Variants in USP19 observed in about 807,000 individuals in gnomAD.
USP19 encodes ubiquitin carboxyl-terminal hydrolase 19.
USP19 carries 40 observed loss-of-function variants against 144.8 expected under a neutral mutation model. The ratio of observed to expected loss-of-function variants is 0.28; its 90% CI spans 0.21 to 0.36. The LOEUF (loss-of-function observed/expected upper bound fraction) is 0.36. USP19 is among the 10% of genes least tolerant of loss of function. USP19 has a pLI of 1.00. For missense variants in USP19, 1,518 were observed against 1,822.5 expected (o/e 0.83, Z 3.04); for synonymous variants, 701 against 709.3 (o/e 0.99, Z 0.19).
In USP19 at chr3:49,114,690, T is replaced by C. The variant is rs1357960560; in HGVS notation, c.2292+73A>G. 2.0e-6 allele frequency: 3 copies of C among 1,513,242 alleles called. No homozygotes were observed. The African/African-American group carries it at 4.1e-5, about 21-fold the overall frequency. The allele number at this position is 1,513,242 out of a possible 1,614,324, so 93.7% of individuals were successfully genotyped here. On this transcript the variant is annotated intron_variant, in intron 15 of 26. Coordinates refer to ENST00000417901, the MANE Select transcript of USP19 (RefSeq NM_001199161.2). This position sits in a 1 kb window ranked among gnomAD's most constrained non-coding sequence, Gnocchi z 4.5. ...GCCCTGTAGCACCTTAAGATGCACA[T>C]GCCTCTGAACCTAATGTGACCAGAA...
chr3:49,117,074 A>G lies in USP19; in HGVS notation c.894T>C (p.Ala298=), dbSNP rs760572619. Residue 298 remains alanine (A), a synonymous_variant, in exon 6 of 27, where the codon GCT becomes GCC. Coordinates refer to ENST00000417901, the MANE Select transcript of USP19 (RefSeq NM_001199161.2). The surrounding 1 kb of genome is among the most constrained non-coding windows in gnomAD (Gnocchi z 4.4). The part of the protein sequence containing the change: ...GPRGDAPPFV[A]DPATQVEADE... ...CAGCTCTCACCTGGGTGGCTGGGTC[A>G]GCCACGAAGGGTGGGGCATCACCCC... 6 of 1,516,776 alleles carry G rather than the reference A, an allele frequency of 4.0e-6. No homozygotes were observed. The South Asian group carries it at 7.4e-5, about 19-fold the overall frequency. 94.0% of individuals were successfully genotyped at this position (1,516,776 alleles called of 1,614,324 possible).
Position 49,116,583 on chromosome 3 carries a change from G to A in USP19, c.1151C>T (p.Ala384Val), listed in dbSNP as rs776015101. The A allele has an allele frequency of 4.5e-5, 73 of 1,613,974 alleles. No homozygotes were observed. The highest frequency in any genetic ancestry group is 5.2e-5 in the Non-Finnish European group (61 of 1,180,046). ...VDEPESMVNL[A>V]FVKNDSYEKG... is the part of the protein sequence containing the mutation. Reference sequence around the variant, plus strand: ...CTCATACGAGTCATTCTTGACAAACGCCAGGTTCACCATCGACTCGGGCTC... The same window carrying A: ...CTCATACGAGTCATTCTTGACAAACACCAGGTTCACCATCGACTCGGGCTC... Residue 384 changes from alanine (A) to valine (V), a missense_variant, in exon 8 of 27, where the codon GCG (alanine) becomes GTG (valine). By Grantham distance (64) the Ala-to-Val change is moderately conservative. Coordinates refer to ENST00000417901, the MANE Select transcript of USP19 (RefSeq NM_001199161.2). This position sits in a 1 kb window ranked among gnomAD's most constrained non-coding sequence, Gnocchi z 5.0.
chr3:49,118,069 C>T lies in USP19; in HGVS notation c.176G>A (p.Gly59Asp), dbSNP rs144742940. The change falls in exon 3 of 27, where the codon GGT becomes GAT. Residue 59 changes from glycine to aspartate, a missense_variant. Gly to Asp is a moderately conservative substitution (Grantham distance 94, BLOSUM62 -1). This residue lies in a region of USP19 where 707 missense variants were observed against 728.9 expected (regional missense o/e 0.97). Coordinates refer to ENST00000417901, the MANE Select transcript of USP19 (RefSeq NM_001199161.2). ...ATGGGAGGCTGAGGCAGAAGGATCACCTGAGGCCAGAGGTTCAAGACCAGC... is the reference window on the plus strand; with the variant it reads ...ATGGGAGGCTGAGGCAGAAGGATCATCTGAGGCCAGAGGTTCAAGACCAGC... ...AQAGLEPLASGDPSASASHAA... is the reference protein window; with the variant it reads ...AQAGLEPLASDDPSASASHAA... 2,164 of 1,580,252 alleles carry T rather than the reference C, an allele frequency of 1.4e-3. 73 individuals are homozygous for T. In the East Asian group the frequency reaches 0.046, roughly 33 times the overall value.
In USP19 at chr3:49,114,061, A is replaced by G. The variant is rs564830382; in HGVS notation, c.2436T>C (p.Thr812=). Reference sequence around the variant, plus strand: ...AGAGGGAGTCCAATACTTCGCTCGCAGTGGAGTTCTCCTTGCTGACGCTCA... The same window carrying G: ...AGAGGGAGTCCAATACTTCGCTCGCGGTGGAGTTCTCCTTGCTGACGCTCA... ...FLVSVSKENS[T]ASEVLDSLSQ... The change falls in exon 17 of 27, where the codon ACT becomes ACC. Residue 812 remains threonine, a synonymous_variant. Transcript: ENST00000417901. The surrounding 1 kb of genome is among the most constrained non-coding windows in gnomAD (Gnocchi z 4.5). 1 of 1,614,230 alleles carries G rather than the reference A, an allele frequency of 6.2e-7. No homozygotes were observed. The highest frequency in any genetic ancestry group is 8.5e-7 in the Non-Finnish European group (1 of 1,180,042).
rs1300355808 is a variant in USP19, at chr3:49,108,638, G to T, written c.4039-110C>A. ...CCCAAGGGAGGGTCCCAAGGCAGGCGCAGACAGCAGCGGCGTTGAGACAGA... is the reference window on the plus strand; with the variant it reads ...CCCAAGGGAGGGTCCCAAGGCAGGCTCAGACAGCAGCGGCGTTGAGACAGA... On this transcript the variant is annotated intron_variant, in intron 26 of 26. Transcript: ENST00000417901. The surrounding 1 kb of genome is among the most constrained non-coding windows in gnomAD (Gnocchi z 4.8). 8.0e-7 allele frequency: 1 copy of T among 1,256,300 alleles called. No homozygotes were observed. The highest frequency in any genetic ancestry group is 1.0e-6 in the Non-Finnish European group (1 of 996,856). 77.8% of individuals were successfully genotyped at this position (1,256,300 alleles called of 1,614,324 possible). A position where few individuals can be genotyped will look rare whatever the true frequency, so the allele number is the denominator to read the frequency against.
chr3:49,110,086 TG>T lies in USP19; in HGVS notation c.4038+97del, dbSNP rs2042915273. On this transcript the variant is annotated intron_variant, in intron 26 of 26. Transcript: ENST00000417901. This position sits in a 1 kb window ranked among gnomAD's most constrained non-coding sequence, Gnocchi z 6.1. ...AATTCTCATGAATCCCAAGGCTCAA[TG>T]GGCCTGTGGCTGGAGGAGAGGAAGC... 1 of 1,354,938 alleles carries T rather than the reference TG, an allele frequency of 7.4e-7. No homozygotes were observed. Among genetic ancestry groups the T allele is most frequent in the East Asian group, 2.5e-5 (1 of 40,100 alleles). The allele number at this position is 1,354,938 out of a possible 1,614,324, so 83.9% of individuals were successfully genotyped here.
rs1387434369 is a variant in USP19 at position 49,113,980 on chromosome 3, G to A, written c.2505+12C>T. 3 of 1,613,538 alleles carry A rather than the reference G, an allele frequency of 1.9e-6. No homozygotes were observed. The highest frequency in any genetic ancestry group is 1.3e-5 in the African/African-American group (1 of 74,938). On this transcript the variant is annotated intron_variant, in intron 17 of 26. Coordinates refer to ENST00000417901, the MANE Select transcript of USP19 (RefSeq NM_001199161.2). ...TCCACACATGTGATAGCCCAAGGAA[G>A]GACAAAGATACCTCCGCCAAACGCA... is the stretch of plus-strand genomic sequence containing the variant.
At chr3:49,109,217 C>T (rs1039073524) in intron 26 of USP19, 14 of 1,444,466 alleles carry the variant, frequency 9.7e-6, no homozygotes, top group Admixed American at 5.8e-5. Context: ...ATCAGCACCC[C>T]GGGGGTGGGG....
rs775796090 is a variant in USP19 at position 49,119,153 on chromosome 3, C to T, written c.-8G>A. The T allele has an allele frequency of 1.7e-5, 28 of 1,609,624 alleles. No individual in the cohort carries two copies. The highest frequency in any genetic ancestry group is 6.7e-5 in the Admixed American group (4 of 59,766). On this transcript the variant is annotated 5_prime_UTR_variant, in exon 2 of 27. Transcript: ENST00000417901. ...ACTGGCCCCGCCAGACATCTTGAGC[C>T]GCTTGGTCGACAGCCAGAGTGCCCC...
chr3:49,119,420 A>G, intron 1 of USP19, 139 bp from the exon 2 acceptor site: 1 of 349,782 alleles, frequency 2.9e-6, no homozygotes, highest in Non-Finnish European at 5.2e-6. Flanking sequence ...CACTCTCAGG[A>G]TATTCTGAAG....
rs2044220509 is a variant in USP19 at position 49,116,788 on chromosome 3, C to A, written c.1065G>T (p.Gly355=). ...TCTCCTCCTTGGCACAGTCATCTTT[C>A]CCAGGGTTTCTGCTCCGGACCATGG... ...SPAMVRSRNP[G]KDDCAKEEMA... Residue 355 remains glycine, a synonymous_variant, in exon 7 of 27, where the codon GGG becomes GGT. Coordinates refer to ENST00000417901, the MANE Select transcript of USP19 (RefSeq NM_001199161.2). This position sits in a 1 kb window ranked among gnomAD's most constrained non-coding sequence, Gnocchi z 5.0. The A allele has an allele frequency of 6.2e-7, 1 of 1,613,922 alleles. No individual in the cohort carries two copies. Among genetic ancestry groups the A allele is most frequent in the African/African-American group, 1.3e-5 (1 of 74,980 alleles).
Position 49,112,381 on chromosome 3 carries a change from G to A in USP19, c.2668C>T (p.Pro890Ser). Residue 890 changes from proline to serine, a missense_variant, in exon 19 of 27, where the codon CCC becomes TCC. Coordinates refer to ENST00000417901, the MANE Select transcript of USP19 (RefSeq NM_001199161.2). The surrounding 1 kb of genome is among the most constrained non-coding windows in gnomAD (Gnocchi z 4.9). The stretch of plus-strand genomic sequence containing the variant: ...TGGCAGGCTGCACACTTGGAGATGG[G>A]GACGCTGGGCACCTGGGGGCGCTAG... ...VQQRPQVPSV[P>S]ISKCAACQRK... 1 of 1,614,028 alleles carries A rather than the reference G, an allele frequency of 6.2e-7. No individual in the cohort carries two copies. The highest frequency in any genetic ancestry group is 8.5e-7 in the Non-Finnish European group (1 of 1,179,976).
Position 49,115,849 on chromosome 3 carries a change from C to T in USP19, c.1567G>A (p.Glu523Lys), listed in dbSNP as rs2044005983. Residue 523 changes from glutamate to lysine, a missense_variant, in exon 11 of 27, where the codon GAG becomes AAG. Physicochemically the swap from Glu to Lys is moderately conservative, Grantham distance 56 (BLOSUM62 1). Around this residue, in one of 5 missense-constraint regions of USP19, gnomAD observed 707 missense variants for 728.9 expected, o/e 0.97. Transcript: ENST00000417901. The surrounding 1 kb of genome is among the most constrained non-coding windows in gnomAD (Gnocchi z 6.6). ...GGAPHPLTGQEEARAVEKDKS... is the reference protein window; with the variant it reads ...GGAPHPLTGQKEARAVEKDKS... ...TCCTTCTCCACAGCCCGGGCCTCCT[C>T]CTGGCCTGTCAGGGGGTGGGGAGCA... is the stretch of plus-strand genomic sequence containing the variant. The T allele has an allele frequency of 6.2e-7, 1 of 1,611,408 alleles. No individual in the cohort carries two copies. Among genetic ancestry groups the T allele is most frequent in the East Asian group, 2.2e-5 (1 of 44,878 alleles).
rs1434770533 is a variant in USP19, at chr3:49,116,708, T to C, written c.1126+19A>G. 6.2e-7 allele frequency: 1 copy of C among 1,607,778 alleles called. No individual in the cohort carries two copies. Among genetic ancestry groups the C allele is most frequent in the African/African-American group, 1.3e-5 (1 of 74,822 alleles). The stretch of plus-strand genomic sequence containing the variant: ...TTGCAACCCAACCTAGGGCTCTGCC[T>C]GCCCACCCCCACCTTTACCATCCAC... On this transcript the variant is annotated intron_variant, in intron 7 of 26. Coordinates refer to ENST00000417901, the MANE Select transcript of USP19 (RefSeq NM_001199161.2). The surrounding 1 kb of genome is among the most constrained non-coding windows in gnomAD (Gnocchi z 5.0).
chr3:49,108,666 G>A lies in USP19; in HGVS notation c.4039-138C>T, dbSNP rs2042681483. The A allele has an allele frequency of 1.6e-6, 2 of 1,290,174 alleles. No homozygotes were observed. Among genetic ancestry groups the A allele is most frequent in the African/African-American group, 3.1e-5 (2 of 65,304 alleles). 79.9% of individuals were successfully genotyped at this position (1,290,174 alleles called of 1,614,324 possible). A position where few individuals can be genotyped will look rare whatever the true frequency, so the allele number is the denominator to read the frequency against. ...GACAGCAGCGGCGTTGAGACAGAGA[G>A]ACGAGATTGGGCCTGAATAGTCTGG... On this transcript the variant is annotated intron_variant, in intron 26 of 26. Transcript: ENST00000417901. The surrounding 1 kb of genome is among the most constrained non-coding windows in gnomAD (Gnocchi z 4.8).
At chr3:49,120,683 C>T (rs371952313) in intron 1 of USP19, 73 bp downstream of exon 1, 2 of 189,638 alleles carry the variant, frequency 1.1e-5, no homozygotes, top group East Asian at 3.4e-4. Flanking sequence ...TGACCTTGAA[C>T]AGGCCGCCGC....
In USP19 at chr3:49,116,132, G is replaced by T; in HGVS notation, c.1386C>A (p.Phe462Leu). The T allele has an allele frequency of 6.2e-7, 1 of 1,613,678 alleles. No homozygotes were observed. The highest frequency in any genetic ancestry group is 1.3e-5 in the African/African-American group (1 of 75,030). The change falls in exon 10 of 27, where the codon TTC (phenylalanine) becomes TTA (leucine). Residue 462 changes from phenylalanine (F) to leucine (L), a missense_variant. By Grantham distance (22) the Phe-to-Leu change is conservative (BLOSUM62 0). Around this residue, in one of 5 missense-constraint regions of USP19, gnomAD observed 707 missense variants for 728.9 expected, o/e 0.97. Transcript: ENST00000417901. This position sits in a 1 kb window ranked among gnomAD's most constrained non-coding sequence, Gnocchi z 5.0. ...RNLIEPEQCTFCFTASRIDIC... is the reference protein window; with the variant it reads ...RNLIEPEQCTLCFTASRIDIC... ...TGTCGATGCGAGAAGCCGTGAAACA[G>T]AAGGTGCACTGCTCTGGCTCAATCA...
Position 49,114,029 on chromosome 3 carries a change from C to T in USP19, c.2468G>A (p.Ser823Asn), listed in dbSNP as rs759285447. 1 of 1,614,240 alleles carries T rather than the reference C, an allele frequency of 6.2e-7. No individual in the cohort carries two copies. The highest frequency in any genetic ancestry group is 8.5e-7 in the Non-Finnish European group (1 of 1,180,054). ...ASEVLDSLSQ[S>N]VHVKPENLRL... ...CAGGTTCTCAGGCTTCACATGAACA[C>T]TCTGAGAGAGGGAGTCCAATACTTC... The change falls in exon 17 of 27, where the codon AGT becomes AAT. Residue 823 changes from serine (S) to asparagine (N), a missense_variant. Ser to Asn is a conservative substitution (Grantham distance 46). Around this residue, in one of 5 missense-constraint regions of USP19, gnomAD observed 413 missense variants for 515.8 expected, o/e 0.80. Transcript: ENST00000417901. This position sits in a 1 kb window ranked among gnomAD's most constrained non-coding sequence, Gnocchi z 4.5.
At position 49,116,143 on chromosome 3, in the gene USP19, G is replaced by T. The variant is rs1302196731; in HGVS notation, c.1375C>A (p.Gln459Lys). The change falls in exon 10 of 27, where the codon CAG (glutamine) becomes AAG (lysine). Residue 459 changes from glutamine to lysine, a missense_variant. This residue lies in a region of USP19 where 707 missense variants were observed against 728.9 expected (regional missense o/e 0.97). Coordinates refer to ENST00000417901, the MANE Select transcript of USP19 (RefSeq NM_001199161.2). This position sits in a 1 kb window ranked among gnomAD's most constrained non-coding sequence, Gnocchi z 5.0. ...GAAGCCGTGAAACAGAAGGTGCACTGCTCTGGCTCAATCAGATTCCTGTGG... is the reference window on the plus strand; with the variant it reads ...GAAGCCGTGAAACAGAAGGTGCACTTCTCTGGCTCAATCAGATTCCTGTGG... ...VKLRNLIEPE[Q>K]CTFCFTASRI... is the part of the protein sequence containing the mutation. 1.9e-6 allele frequency: 3 copies of T among 1,613,948 alleles called. No homozygotes were observed. Among genetic ancestry groups the T allele is most frequent in the Non-Finnish European group, 2.5e-6 (3 of 1,180,004 alleles).
Sources: allele counts gnomAD v4.1 joint callset, GRCh38; gene constraint gnomAD v4.1.1; regional missense constraint gnomAD v4.1.1; non-coding constraint Gnocchi (gnomAD v3.1); transcripts MANE v1.5; gene names NCBI Gene and HGNC (gene_info 2026-07-23, HGNC 2026-07-21).